Variants in ROBO2 observed in about 807,000 individuals in gnomAD.
The protein encoded by ROBO2 is roundabout guidance receptor 2.
ROBO2 carries 53 observed loss-of-function variants against 160.8 expected under a neutral mutation model. The ratio of observed to expected loss-of-function variants is 0.33; its 90% CI spans 0.26 to 0.41. The LOEUF is 0.41. Ranked by LOEUF, ROBO2 falls within the 10% of genes least tolerant of loss-of-function variation. The pLI is 1.00. For missense variants in ROBO2, 1,577 were observed against 1,722.4 expected, an observed-to-expected ratio of 0.92 and a Z score of 1.49; for synonymous variants, 664 against 611.7, an observed-to-expected ratio of 1.09 and a Z score of -1.26.
At chr3:76,187,377 G>A (rs571614253) in intron 2 of ROBO2, among the ~76,000 whole-genome samples, 9 of 151,980 alleles carry the variant, frequency 5.9e-5, no homozygotes, top group South Asian at 4.2e-4. Context: ...CAGGCTCAAG[G>A]AATCTTCCTA....
At chr3:76,539,523 T>C (rs1191016802) in intron 2 of ROBO2, among the ~76,000 whole-genome samples, 1 of 152,172 alleles carries the variant, frequency 6.6e-6, no homozygotes, top group Non-Finnish European at 1.5e-5. Context: ...ATCCATCCTG[T>C]TTAAGTAGCA....
At chr3:77,257,905 T>C (rs2058525866) in intron 2 of ROBO2, among the ~76,000 whole-genome samples, 1 of 152,272 alleles carries the variant, frequency 6.6e-6, no homozygotes, top group African/African-American at 2.4e-5. Context: ...TGTCAGGATA[T>C]GTCATTTTAA....
chr3:77,337,897 A>T (rs1247911534), intron 2 of ROBO2, among the ~76,000 whole-genome samples: 1 of 152,180 alleles, frequency 6.6e-6, no homozygotes. Flanking sequence ...TTGGCAGAAA[A>T]CATTCCAGCT....
intron 2 of ROBO2, among the ~76,000 whole-genome samples, chr3:76,368,988 A>G (rs945440536): frequency 7.2e-5 from 11 of 151,938 alleles, no homozygotes; most frequent in African/African-American, 2.7e-4. Flanking sequence ...ACAAACTCTC[A>G]CAATAAAAGA....
At chr3:77,399,683 G>A (rs2075618437) in intron 2 of ROBO2, among the ~76,000 whole-genome samples, 1 of 152,088 alleles carries the variant, frequency 6.6e-6, no homozygotes, top group South Asian at 2.1e-4. Flanking sequence ...AATAGATATA[G>A]AGTTCGTGCA....
intron 1 of ROBO2, among the ~76,000 whole-genome samples, chr3:77,065,292 A>C (rs2066724668): frequency 6.6e-6 from 1 of 152,224 alleles, no homozygotes; most frequent in Non-Finnish European, 1.5e-5. Context: ...GATTCTTAAT[A>C]AACAGAAGTT....
At chr3:77,501,639 GAA>G (rs74852167) in intron 5 of ROBO2, among the ~76,000 whole-genome samples, 22,388 of 151,822 alleles carry the variant, frequency 0.15, 1,703 homozygotes, top group African/African-American at 0.19. Flanking sequence ...CTCAAATTCT[GAA>G]AAATTGTATA....
At chr3:76,110,068 T>C (rs900260276) in intron 2 of ROBO2, among the ~76,000 whole-genome samples, 24 of 151,310 alleles carry the variant, frequency 1.6e-4, no homozygotes, top group African/African-American at 5.6e-4. Context: ...AATATATATA[T>C]ATATAAAAGC....
intron 2 of ROBO2, among the ~76,000 whole-genome samples, chr3:77,415,024 G>A (rs2077097804): frequency 6.6e-6 from 1 of 152,148 alleles, no homozygotes; most frequent in Non-Finnish European, 1.5e-5. Context: ...AAGATATTTT[G>A]AGGACTGCTC....
chr3:76,047,986 G>T (rs536844340), intron 2 of ROBO2, among the ~76,000 whole-genome samples: 85 of 152,220 alleles, frequency 5.6e-4, no homozygotes, highest in African/African-American at 2.0e-3. Context: ...AGCCCTCAAA[G>T]TTGGTGATTT....
chr3:76,566,545 G>A (rs1391922263), intron 2 of ROBO2, among the ~76,000 whole-genome samples: 1 of 152,098 alleles, frequency 6.6e-6, no homozygotes, highest in Non-Finnish European at 1.5e-5. Context: ...AAAGAATCTA[G>A]TTTAGTTTTT....
At chr3:76,283,151 T>TATATATATATATATATAA (rs1219870606) in intron 2 of ROBO2, among the ~76,000 whole-genome samples, 47 of 137,532 alleles carry the variant, frequency 3.4e-4, no homozygotes, top group Admixed American at 1.6e-3. Flanking sequence ...TATATATATA[T>TATATATATATATATATAA]AAAACTACAT....
intron 2 of ROBO2, among the ~76,000 whole-genome samples, chr3:76,276,705 G>T (rs1190910168): frequency 1.3e-5 from 2 of 152,062 alleles, no homozygotes; most frequent in Admixed American, 6.6e-5. Context: ...AATGTGATTG[G>T]TTTTTAATTT....
rs551226705 is a variant in ROBO2 at position 76,077,204 on chromosome 3, G to A, written c.109+139602G>A. ...AACATTTCCCATAATGTGTAGAAAAGCAAAACAGTGTGCAACTAGGGATTG... is the reference window on the plus strand; with the variant it reads ...AACATTTCCCATAATGTGTAGAAAAACAAAACAGTGTGCAACTAGGGATTG... On this transcript the variant is annotated intron_variant, in intron 2 of 26. Coordinates refer to the ROBO2 transcript ENST00000487694. 2.2e-4 allele frequency among the ~76,000 whole-genome samples: 33 copies of A among 152,282 alleles called. No homozygotes were observed. In the South Asian group the frequency reaches 6.0e-3, roughly 28 times the overall value.
At chr3:75,990,746 T>C (rs932434422) in intron 2 of ROBO2, among the ~76,000 whole-genome samples, 1 of 152,196 alleles carries the variant, frequency 6.6e-6, no homozygotes, top group Non-Finnish European at 1.5e-5. Flanking sequence ...GTCTAGTCCT[T>C]GTCTTTTTCA....
chr3:77,481,431 T>C (rs2084678020), intron 4 of ROBO2, among the ~76,000 whole-genome samples: 1 of 152,152 alleles, frequency 6.6e-6, no homozygotes, highest in Non-Finnish European at 1.5e-5. Flanking sequence ...ACTTACATTG[T>C]TCATGTATTT....
At chr3:76,594,327 T>G (rs1370996840) in intron 2 of ROBO2, among the ~76,000 whole-genome samples, 1 of 152,014 alleles carries the variant, frequency 6.6e-6, no homozygotes, top group Non-Finnish European at 1.5e-5. Context: ...GCAGATACTT[T>G]AGGATTGGTG....
intron 2 of ROBO2, among the ~76,000 whole-genome samples, chr3:76,007,096 T>C (rs908211784): frequency 1.3e-5 from 2 of 152,140 alleles, no homozygotes; most frequent in African/African-American, 2.4e-5. Context: ...GTATGTCAAA[T>C]GATGAGTTCA....
At chr3:77,026,550 G>C (rs555322649) in intron 2 of ROBO2, among the ~76,000 whole-genome samples, 2 of 152,106 alleles carry the variant, frequency 1.3e-5, no homozygotes, top group East Asian at 1.9e-4. Flanking sequence ...AAACCCAAAG[G>C]CATGATTCTT....
Sources: gnomAD v4.1 joint callset for allele counts (sites outside exome capture counted in the v4.1 genomes callset) on GRCh38, gnomAD v4.1.1 for gene constraint, MANE v1.5 for transcripts, NCBI Gene and HGNC (gene_info 2026-07-23, HGNC 2026-07-21) for gene names.